Variants in RBMS3 observed in about 807,000 individuals in gnomAD.
RBMS3 encodes the protein RNA-binding motif, single-stranded-interacting protein 3.
In RBMS3, 27 loss-of-function variants were observed where a neutral mutation model predicts 66.8. The observed-to-expected ratio is 0.40, with a 90% CI of 0.30 to 0.56. The LOEUF is 0.56. RBMS3 is among the 20% of genes least tolerant of loss of function. The probability of loss-of-function intolerance (pLI) is 0.40; values close to 1 mark genes in which losing one functional copy is unlikely to be tolerated. For synonymous variants in RBMS3, 188 were observed against 183.0 expected (o/e 1.03, Z -0.22); for missense variants, 513 against 549.5 (o/e 0.93, Z 0.66).
intron 3 of RBMS3, among the ~76,000 whole-genome samples, chr3:29,521,710 T>C (rs2044863810): frequency 6.6e-6 from 1 of 152,250 alleles, no homozygotes; most frequent in Admixed American, 6.5e-5. Context: ...TCATTTATTC[T>C]CACTGTAACA....
At chr3:29,870,643 A>G (rs1452592093) in intron 7 of RBMS3, among the ~76,000 whole-genome samples, 3 of 152,162 alleles carry the variant, frequency 2.0e-5, no homozygotes, top group East Asian at 3.9e-4. Context: ...GAAAAATGCT[A>G]TATGTACTAT....
In RBMS3 at chr3:29,450,933, C is replaced by CACA. The variant is rs1559371669; in HGVS notation, c.248+16018_248+16019insACA. 6.5e-3 allele frequency among the ~76,000 whole-genome samples: 673 copies of CACA among 104,282 alleles called. 4 individuals carry two copies. The highest frequency in any genetic ancestry group is 0.015 in the Middle Eastern group (3 of 200). 68.4% of individuals were successfully genotyped at this position (104,282 alleles called of 152,430 possible). On this transcript the variant is annotated intron_variant, in intron 2 of 14. Transcript: ENST00000383767. ...CACACACACACACACACACACACACCCCCCACACACACACATGGTGTCTAT... is the reference window on the plus strand; with the variant it reads ...CACACACACACACACACACACACACCACACCCCACACACACACATGGTGTCTAT...
chr3:29,708,952 C>T (rs2053032801), intron 4 of RBMS3, among the ~76,000 whole-genome samples: 1 of 152,102 alleles, frequency 6.6e-6, no homozygotes, highest in Non-Finnish European at 1.5e-5. Flanking sequence ...TGGGGTAGGC[C>T]ATATCCAACA....
chr3:29,650,298 T>C lies in RBMS3; in HGVS notation c.399+63093T>C, dbSNP rs2050098258. Among the ~76,000 whole-genome samples, 3 of 143,426 alleles carry C rather than the reference T, an allele frequency of 2.1e-5. No homozygotes were observed. In the Middle Eastern group the frequency reaches 0.011, roughly 523 times the overall value. 94.1% of individuals were successfully genotyped at this position (143,426 alleles called of 152,430 possible). ...TTCTTTCTTTTTTTTTTTTTTTTTT[T>C]TCTGAGACAGGGTTTTGCTCTGTCA... On this transcript the variant is annotated intron_variant, in intron 4 of 14. Transcript: ENST00000383767.
At chr3:29,962,974 C>T (rs1013412478) in intron 12 of RBMS3, among the ~76,000 whole-genome samples, 2 of 151,218 alleles carry the variant, frequency 1.3e-5, no homozygotes, top group African/African-American at 4.9e-5. Flanking sequence ...TCTCCTGTGC[C>T]CTTCACATTG....
chr3:29,288,766 A>T (rs2032570451), intron 1 of RBMS3, among the ~76,000 whole-genome samples: 1 of 151,950 alleles, frequency 6.6e-6, no homozygotes, highest in Non-Finnish European at 1.5e-5. Context: ...AAAACCTACA[A>T]ATCCGCAAAA....
At chr3:29,702,032 A>G (rs746714963) in intron 4 of RBMS3, among the ~76,000 whole-genome samples, 14 of 152,136 alleles carry the variant, frequency 9.2e-5, no homozygotes, top group African/African-American at 1.7e-4. Context: ...GAGAACTTTT[A>G]TGTCTAGCTA....
At chr3:29,511,277 C>T (rs114392162) in intron 3 of RBMS3, among the ~76,000 whole-genome samples, 38 of 152,100 alleles carry the variant, frequency 2.5e-4, no homozygotes, top group South Asian at 8.3e-4. Context: ...GCCTGGGCGA[C>T]GGAGAGAGAC....
chr3:29,430,599 G>T (rs1339694269), intron 1 of RBMS3, among the ~76,000 whole-genome samples: 2 of 152,160 alleles, frequency 1.3e-5, no homozygotes, highest in African/African-American at 2.4e-5. Flanking sequence ...TGGTGTTCTG[G>T]TTATGGAAAT....
At chr3:29,868,256 A>T (rs921575418) in intron 6 of RBMS3, among the ~76,000 whole-genome samples, 1 of 151,860 alleles carries the variant, frequency 6.6e-6, no homozygotes, top group Admixed American at 6.5e-5. Context: ...CTATATTTTT[A>T]TCATGTGGGT....
chr3:29,906,093 A>T (rs1032070913), intron 10 of RBMS3, among the ~76,000 whole-genome samples: 1 of 152,080 alleles, frequency 6.6e-6, no homozygotes, highest in African/African-American at 2.4e-5. Context: ...TCTACCCAAG[A>T]ATTCTTTTAT....
At chr3:29,563,791 A>C (rs1301219938) in intron 3 of RBMS3, among the ~76,000 whole-genome samples, 2 of 152,142 alleles carry the variant, frequency 1.3e-5, no homozygotes, top group African/African-American at 4.8e-5. Context: ...TTGGGATGCC[A>C]AGACAGGAGG....
chr3:29,963,791 T>A (rs1696637598), intron 12 of RBMS3, among the ~76,000 whole-genome samples: 1 of 142,072 alleles, frequency 7.0e-6, no homozygotes, highest in Non-Finnish European at 1.5e-5. Flanking sequence ...CCCACCACCG[T>A]ACTCCAGGCT....
At chr3:29,380,876 G>A (rs1469201928) in intron 1 of RBMS3, among the ~76,000 whole-genome samples, 1 of 152,160 alleles carries the variant, frequency 6.6e-6, no homozygotes, top group African/African-American at 2.4e-5. Context: ...AACTACATAT[G>A]AGTCAGGAAC....
At chr3:29,543,399 T>C (rs954244355) in intron 3 of RBMS3, among the ~76,000 whole-genome samples, 10 of 151,960 alleles carry the variant, frequency 6.6e-5, no homozygotes, top group Non-Finnish European at 1.5e-4. Context: ...ATTTACAAAA[T>C]AAATAAAAGG....
chr3:29,422,657 A>T, intron 1 of RBMS3, among the ~76,000 whole-genome samples: 1 of 152,158 alleles, frequency 6.6e-6, no homozygotes, highest in African/African-American at 2.4e-5. Context: ...ATCATGAGGT[A>T]TTTTTTTCTT....
At chr3:29,706,733 A>G (rs761172629) in intron 4 of RBMS3, among the ~76,000 whole-genome samples, 1 of 152,238 alleles carries the variant, frequency 6.6e-6, no homozygotes, top group African/African-American at 2.4e-5. Context: ...CACTCTCTAT[A>G]TAACAGAAGG....
chr3:29,320,600 A>G (rs1167181741), intron 1 of RBMS3, among the ~76,000 whole-genome samples: 1 of 152,060 alleles, frequency 6.6e-6, no homozygotes, highest in Non-Finnish European at 1.5e-5. Flanking sequence ...ACAGAGGAAT[A>G]TTTTTAAAGG....
chr3:29,814,341 A>G (rs1345091877), intron 6 of RBMS3, among the ~76,000 whole-genome samples: 1 of 152,180 alleles, frequency 6.6e-6, no homozygotes, highest in Non-Finnish European at 1.5e-5. Flanking sequence ...CCACTCGATC[A>G]TGGTGGATAA....
Sources: gnomAD v4.1 joint callset for allele counts (sites outside exome capture counted in the v4.1 genomes callset) on GRCh38, gnomAD v4.1.1 for gene constraint, MANE v1.5 for transcripts, NCBI Gene and HGNC (gene_info 2026-07-23, HGNC 2026-07-21) for gene names.